The following BANP variants were observed in gnomAD, a reference collection of about 807,000 sequenced individuals.
BANP encodes protein BANP.
In BANP, 11 loss-of-function variants were observed where a neutral mutation model predicts 68.1. That is an observed-to-expected ratio of 0.16 (90% confidence interval 0.10 to 0.27). The LOEUF is 0.27. Among genes scored for constraint, BANP ranks in the 10% least tolerant of loss-of-function variants. The pLI is 1.00. For synonymous variants in BANP, 329 were observed against 303.2 expected, an observed-to-expected ratio of 1.09 and a Z score of -0.88; for missense variants, 504 against 722.7, an observed-to-expected ratio of 0.70 and a Z score of 3.47.
chr16:87,995,161 C>T (rs551082318), intron 4 of BANP, among the ~76,000 whole-genome samples: 3 of 152,204 alleles, frequency 2.0e-5, no homozygotes, highest in Non-Finnish European at 4.4e-5. Context: ...GCCACAGGGC[C>T]GTGTGTGCGC....
chr16:88,076,042 G>A (rs893155345), intron 13 of BANP, among the ~76,000 whole-genome samples: 5 of 152,146 alleles, frequency 3.3e-5, no homozygotes, highest in Admixed American at 6.5e-5. Context: ...CACTGCGCCC[G>A]ACCTCCTTTA....
chr16:88,039,222 T>A (rs1598744986), intron 11 of BANP, among the ~76,000 whole-genome samples: 1 of 152,098 alleles, frequency 6.6e-6, no homozygotes, highest in East Asian at 1.9e-4. Flanking sequence ...ATCGCTCGTC[T>A]GTAAGTATGA....
Position 88,037,802 on chromosome 16 carries a change from T to C in BANP, c.1273-171T>C, listed in dbSNP as rs2079729849. ...AAATAATAAATAGTACCTAGAAATG[T>C]CAATATTTTGTTTTGGGGCTTTTGT... On this transcript the variant is annotated intron_variant, in intron 10 of 13. Transcript: ENST00000682872. The C allele has an allele frequency of 1.4e-5, 9 of 637,400 alleles. No homozygotes were observed. In the East Asian group the frequency reaches 2.5e-4, roughly 17 times the overall value. 39.5% of individuals were successfully genotyped at this position (637,400 alleles called of 1,614,324 possible). A position where few individuals can be genotyped will look rare whatever the true frequency, so the allele number is the denominator to read the frequency against.
rs1045908102 is a variant in BANP at position 88,006,967 on chromosome 16, A to G, written c.655+702A>G. Among the ~76,000 whole-genome samples, 4 of 152,004 alleles carry G rather than the reference A, an allele frequency of 2.6e-5. No homozygotes were observed. In the South Asian group the frequency reaches 8.3e-4, roughly 32 times the overall value. On this transcript the variant is annotated intron_variant, in intron 6 of 13. Transcript: ENST00000682872. ...TGTCTCAAAAAAAAAAAAAAAAAAA[A>G]AAAGATAGTGATACAGTATAAACAT...
chr16:88,017,954 C>T (rs989556072), intron 6 of BANP, among the ~76,000 whole-genome samples: 1 of 151,960 alleles, frequency 6.6e-6, no homozygotes, highest in African/African-American at 2.4e-5. Context: ...CGACGCCAGG[C>T]CGGCTGCTGA....
intron 11 of BANP, among the ~76,000 whole-genome samples, chr16:88,042,741 G>A (rs1417224190): frequency 6.7e-6 from 1 of 150,346 alleles, no homozygotes; most frequent in East Asian, 2.1e-4. Context: ...AACATAGCGA[G>A]ACCCTGTCTC....
At chr16:87,988,737 G>T (rs2065108072) in intron 4 of BANP, among the ~76,000 whole-genome samples, 1 of 152,174 alleles carries the variant, frequency 6.6e-6, no homozygotes, top group South Asian at 2.1e-4. Context: ...CACCTTAAGG[G>T]GCTCTGAGTT....
intron 1 of BANP, 141 bp downstream of exon 1, chr16:87,951,656 G>C (rs1182055281): frequency 6.8e-6 from 1 of 147,416 alleles, no homozygotes; most frequent in Non-Finnish European, 1.5e-5. Context: ...CAACCGCCCG[G>C]GCCGGGCGAT....
intron 1 of BANP, among the ~76,000 whole-genome samples, chr16:87,959,159 C>T (rs1186453565): frequency 1.3e-5 from 2 of 152,150 alleles, no homozygotes; most frequent in Non-Finnish European, 2.9e-5. Context: ...CCTTGTGGGG[C>T]GTGGGATGTC....
intron 4 of BANP, among the ~76,000 whole-genome samples, chr16:87,995,916 T>C (rs1598250434): frequency 6.6e-6 from 1 of 152,128 alleles, no homozygotes; most frequent in Non-Finnish European, 1.5e-5. Context: ...GTGCCCGGGG[T>C]GCGCTTCTCA....
At chr16:87,985,637 G>T (rs533249400) in intron 4 of BANP, among the ~76,000 whole-genome samples, 5 of 152,258 alleles carry the variant, frequency 3.3e-5, no homozygotes, top group African/African-American at 1.2e-4. Context: ...GAGAATGAAT[G>T]TGATAGTATT....
chr16:88,049,088 A>G (rs1215214735), intron 11 of BANP, among the ~76,000 whole-genome samples: 1 of 152,082 alleles, frequency 6.6e-6, no homozygotes, highest in East Asian at 1.9e-4. Context: ...AGTGGACACC[A>G]GCTGGGTGTC....
intron 13 of BANP, among the ~76,000 whole-genome samples, chr16:88,074,145 C>T (rs1003580315): frequency 6.6e-6 from 1 of 152,186 alleles, no homozygotes; most frequent in African/African-American, 2.4e-5. Flanking sequence ...TTCATGGTGA[C>T]TCTGCAGGCG....
At chr16:88,032,642 A>G (rs1171620627) in intron 8 of BANP, among the ~76,000 whole-genome samples, 2 of 152,258 alleles carry the variant, frequency 1.3e-5, no homozygotes, top group Non-Finnish European at 2.9e-5. Flanking sequence ...TTGAGACATC[A>G]TTACAGTGAA....
At chr16:88,061,048 G>A (rs1427734178) in intron 11 of BANP, among the ~76,000 whole-genome samples, 4 of 152,180 alleles carry the variant, frequency 2.6e-5, no homozygotes, top group Admixed American at 6.5e-5. Flanking sequence ...AAGGGGGGGT[G>A]GGCGGCAAGC....
chr16:88,059,713 C>T (rs371468606), intron 11 of BANP, among the ~76,000 whole-genome samples: 1 of 152,198 alleles, frequency 6.6e-6, no homozygotes, highest in Admixed American at 6.5e-5. Flanking sequence ...TGGGGCTTCC[C>T]GACGGAGACG....
chr16:88,038,573 C>T (rs533578915), intron 11 of BANP, among the ~76,000 whole-genome samples: 3 of 145,736 alleles, frequency 2.1e-5, no homozygotes, highest in African/African-American at 7.7e-5. Context: ...AAGGTGGTTT[C>T]GCTCCTGTGT....
chr16:87,954,859 C>A (rs993216202), intron 1 of BANP, among the ~76,000 whole-genome samples: 1 of 152,240 alleles, frequency 6.6e-6, no homozygotes, highest in African/African-American at 2.4e-5. Flanking sequence ...TCCCCTTGAG[C>A]AGGAATTTGC....
rs139519126 is a variant in BANP, at chr16:88,014,784, C to T, written c.656-3644C>T. Among the ~76,000 whole-genome samples the T allele has an allele frequency of 8.3e-3, 1,262 of 152,056 alleles. 18 individuals carry two copies. Among genetic ancestry groups the T allele is most frequent in the African/African-American group, 0.028 (1,161 of 41,436 alleles). On this transcript the variant is annotated intron_variant, in intron 6 of 13. Transcript: ENST00000682872. ...CTGCTGCCCTTCCTGCTGCCTGCCT[C>T]GGGTCCTCTGTTTGTGATCTCCAGG... is the stretch of plus-strand genomic sequence containing the variant.
Sources: gnomAD v4.1 joint callset for allele counts (sites outside exome capture counted in the v4.1 genomes callset) on GRCh38, gnomAD v4.1.1 for gene constraint, MANE v1.5 for transcripts, NCBI Gene and HGNC (gene_info 2026-07-23, HGNC 2026-07-21) for gene names.